Variants in ELOVL6 observed in about 807,000 individuals in gnomAD.
ELOVL6 encodes the protein very long chain fatty acid elongase 6.
Under a neutral mutation model 31.7 loss-of-function variants are expected in ELOVL6, and 8 were observed. That is an observed-to-expected ratio of 0.25 (90% CI 0.15 to 0.45). ELOVL6 has a LOEUF of 0.45. Ranked by LOEUF, ELOVL6 falls within the 20% of genes least tolerant of loss-of-function variation. The pLI is 1.00. For missense variants in ELOVL6, 126 were observed against 326.4 expected, an observed-to-expected ratio of 0.39 and a Z score of 4.73; for synonymous variants, 101 against 117.7, an observed-to-expected ratio of 0.86 and a Z score of 0.92.
intron 1 of ELOVL6, among the ~76,000 whole-genome samples, chr4:110,168,680 T>C (rs895136488): frequency 1.3e-5 from 2 of 152,126 alleles, no homozygotes; most frequent in Non-Finnish European, 2.9e-5. Context: ...ATTTTCCCAG[T>C]AGGTGCTGAC....
At chr4:110,176,850 C>T (rs1322896362) in intron 1 of ELOVL6, among the ~76,000 whole-genome samples, 2 of 152,232 alleles carry the variant, frequency 1.3e-5, no homozygotes, top group East Asian at 1.9e-4. Context: ...ATTCTCCTGC[C>T]TCAGCCTCCC....
At chr4:110,118,313 C>G (rs890585638) in intron 1 of ELOVL6, among the ~76,000 whole-genome samples, 1 of 152,026 alleles carries the variant, frequency 6.6e-6, no homozygotes, top group Non-Finnish European at 1.5e-5. Flanking sequence ...ACACCACCCC[C>G]CTAACTCCAC....
intron 2 of ELOVL6, among the ~76,000 whole-genome samples, chr4:110,090,502 T>C (rs1483261857): frequency 6.6e-6 from 1 of 151,698 alleles, no homozygotes; most frequent in Non-Finnish European, 1.5e-5. Context: ...CACTTGGTGC[T>C]GGACCTGGGC....
intron 2 of ELOVL6, 82 bp downstream of exon 2, chr4:110,105,415 T>C: frequency 7.2e-7 from 1 of 1,395,072 alleles, no homozygotes; most frequent in Non-Finnish European, 9.8e-7. Context: ...ATATCAGATT[T>C]AAAATCAAAT....
At chr4:110,190,546 C>A (rs186453488) in intron 1 of ELOVL6, among the ~76,000 whole-genome samples, 2 of 152,214 alleles carry the variant, frequency 1.3e-5, no homozygotes, top group Admixed American at 6.5e-5. Context: ...ACTCTGTTGC[C>A]CAGGCTGGAG....
chr4:110,193,973 G>A (rs1347416972), intron 1 of ELOVL6, among the ~76,000 whole-genome samples: 2 of 152,206 alleles, frequency 1.3e-5, no homozygotes, highest in Non-Finnish European at 2.9e-5. Context: ...TGGGCACCGT[G>A]TCAGCCGACA....
Position 110,059,652 on chromosome 4 carries a change from G to T in ELOVL6, c.324C>A (p.Val108=). The T allele has an allele frequency of 6.2e-7, 1 of 1,614,104 alleles. No homozygotes were observed. Among genetic ancestry groups the T allele is most frequent in the Non-Finnish European group, 8.5e-7 (1 of 1,179,996 alleles). Residue 108 remains valine, a synonymous_variant, in exon 3 of 4, where the codon GTC becomes GTA. Coordinates refer to ENST00000302274, the MANE Select transcript of ELOVL6 (RefSeq NM_024090.3). ...VCDQGFYNGP[V]SKFWAYAFVL... ...CAAATGCATAAGCCCAGAATTTGCT[G>T]ACAGGTCCATTGTAAAAACCCTGGT... is the stretch of plus-strand genomic sequence containing the variant.
At chr4:110,181,200 ACT>A (rs1759261693) in intron 1 of ELOVL6, among the ~76,000 whole-genome samples, 2 of 151,700 alleles carry the variant, frequency 1.3e-5, no homozygotes, top group East Asian at 1.9e-4. Flanking sequence ...TAATCCCAAC[ACT>A]CTGAGAGGCT....
chr4:110,179,618 G>T (rs1345812868), intron 1 of ELOVL6, among the ~76,000 whole-genome samples: 1 of 152,130 alleles, frequency 6.6e-6, no homozygotes, highest in Non-Finnish European at 1.5e-5. Flanking sequence ...TAATATTAAA[G>T]ACAACTAGCA....
chr4:110,144,435 T>A (rs1449626116), intron 1 of ELOVL6, among the ~76,000 whole-genome samples: 1 of 152,246 alleles, frequency 6.6e-6, no homozygotes, highest in Non-Finnish European at 1.5e-5. Flanking sequence ...ATTAAAATCA[T>A]ATTTGCTTAG....
rs1328848994 is a variant in ELOVL6, at chr4:110,138,445, C to A, written c.90-32817G>T. The stretch of plus-strand genomic sequence containing the variant: ...GAAAAGCAGAGAGATACACACTAAT[C>A]AACAAATTAATAGTAACACACTACG... On this transcript the variant is annotated intron_variant, in intron 1 of 3. Coordinates refer to ENST00000302274, the MANE Select transcript of ELOVL6 (RefSeq NM_024090.3). Among the ~76,000 whole-genome samples the A allele has an allele frequency of 2.0e-5, 3 of 152,180 alleles. No homozygotes were observed. In the East Asian group the frequency reaches 5.8e-4, roughly 29 times the overall value.
intron 1 of ELOVL6, among the ~76,000 whole-genome samples, chr4:110,135,120 T>C (rs944935148): frequency 1.3e-5 from 2 of 152,214 alleles, no homozygotes; most frequent in Non-Finnish European, 2.9e-5. Flanking sequence ...TATAACTGGT[T>C]GACGATAAGA....
chr4:110,061,600 A>G lies in ELOVL6; in HGVS notation c.222-1846T>C, dbSNP rs545822369. Among the ~76,000 whole-genome samples the G allele has an allele frequency of 4.1e-5, 5 of 121,946 alleles. No homozygotes were observed. In the South Asian group the frequency reaches 1.1e-3, roughly 26 times the overall value. The allele number at this position is 121,946 out of a possible 152,430, so 80.0% of individuals were successfully genotyped here. A position where few individuals can be genotyped will look rare whatever the true frequency, so the allele number is the denominator to read the frequency against. On this transcript the variant is annotated intron_variant, in intron 2 of 3. Coordinates refer to ENST00000302274, the MANE Select transcript of ELOVL6 (RefSeq NM_024090.3). Reference sequence around the variant, plus strand: ...GAGACAGAATCTCGCTCTCTCAGCCAGGCTGGAGTACAGTGGCATGATCTC... The same window carrying G: ...GAGACAGAATCTCGCTCTCTCAGCCGGGCTGGAGTACAGTGGCATGATCTC...
intron 1 of ELOVL6, among the ~76,000 whole-genome samples, chr4:110,179,796 A>G (rs1374845210): frequency 6.6e-6 from 1 of 152,230 alleles, no homozygotes; most frequent in African/African-American, 2.4e-5. Flanking sequence ...GCACATCTAG[A>G]TATGATAAAC....
Position 110,047,103 on chromosome 4 carries a change from AC to A in ELOVL6, c.*4234del, listed in dbSNP as rs1170212684. 1.3e-5 allele frequency: 2 copies of A among 152,238 alleles called. No individual in the cohort carries two copies. Among genetic ancestry groups the A allele is most frequent in the Admixed American group, 6.5e-5 (1 of 15,280 alleles). The allele number at this position is 152,238 out of a possible 1,614,324, so 9.4% of individuals were successfully genotyped here. On this transcript the variant is annotated 3_prime_UTR_variant, in exon 4 of 4. Transcript: ENST00000302274. ...AAAACAGAGACTGGAGAAAGACACT[AC>A]ATTTGACTACTGGGACATTCTGGGT...
intron 2 of ELOVL6, among the ~76,000 whole-genome samples, chr4:110,094,419 A>AT (rs1756508791): frequency 1.8e-5 from 1 of 54,874 alleles, no homozygotes; most frequent in African/African-American, 8.4e-5. Context: ...ATATATATAT[A>AT]TATATATATA....
rs1021365903 is a variant in ELOVL6, at chr4:110,049,497, A to G, written c.*1841T>C. 2 of 152,626 alleles carry G rather than the reference A, an allele frequency of 1.3e-5. No individual in the cohort carries two copies. The highest frequency in any genetic ancestry group is 4.8e-5 in the African/African-American group (2 of 41,438). 9.5% of individuals were successfully genotyped at this position (152,626 alleles called of 1,614,324 possible). A position where few individuals can be genotyped will look rare whatever the true frequency, so the allele number is the denominator to read the frequency against. On this transcript the variant is annotated 3_prime_UTR_variant, in exon 4 of 4. Transcript: ENST00000302274. ...AGAGCAGCTCTGTTTCATGAACGAC[A>G]GCACAATTAAAGCTAAAATAATATA...
At chr4:110,178,332 G>T (rs1222109375) in intron 1 of ELOVL6, among the ~76,000 whole-genome samples, 1 of 152,104 alleles carries the variant, frequency 6.6e-6, no homozygotes, top group African/African-American at 2.4e-5. Context: ...CGGATCTTGA[G>T]GTCAGGAGTT....
intron 1 of ELOVL6, among the ~76,000 whole-genome samples, chr4:110,115,686 A>G (rs891522395): frequency 2.6e-5 from 4 of 152,240 alleles, no homozygotes; most frequent in Non-Finnish European, 4.4e-5. Flanking sequence ...AAGAGGATAA[A>G]GTTTGCAGAC....
Sources: gnomAD v4.1 joint callset for allele counts (sites outside exome capture counted in the v4.1 genomes callset) on GRCh38, gnomAD v4.1.1 for gene constraint, MANE v1.5 for transcripts, NCBI Gene and HGNC (gene_info 2026-07-23, HGNC 2026-07-21) for gene names.